Variants in GRIN3A observed in about 807,000 individuals in gnomAD.
GRIN3A encodes the protein glutamate receptor ionotropic, NMDA 3A.
A neutral mutation model predicts 92.4 loss-of-function variants in GRIN3A; 47 were observed. That is an observed-to-expected ratio of 0.51 (90% CI 0.40 to 0.65). GRIN3A has a LOEUF of 0.65. Among genes scored for constraint, GRIN3A ranks in the 30% least tolerant of loss-of-function variants. GRIN3A has a pLI of 0.00. For missense variants in GRIN3A, 1,324 were observed against 1,393.1 expected (o/e 0.95, Z 0.79); for synonymous variants, 527 against 540.6 (o/e 0.97, Z 0.35).
At chr9:101,609,507 A>C (rs1044283159) in intron 6 of GRIN3A, among the ~76,000 whole-genome samples, 1 of 152,266 alleles carries the variant, frequency 6.6e-6, no homozygotes, top group African/African-American at 2.4e-5. Context: ...ATTCAAATCC[A>C]GAAATGTATG....
Position 101,687,091 on chromosome 9 carries a change from C to G in GRIN3A, c.809G>C (p.Cys270Ser). Residue 270 changes from cysteine (C) to serine (S), a missense_variant, in exon 2 of 9, where the codon TGC becomes TCC. Physicochemically the swap from Cys to Ser is moderately radical, Grantham distance 112. Transcript: ENST00000361820. ...GTCGGTGATGTTCCAGTCTTCCTGG[C>G]ACAGCAACAAGCTAAAATTGTACCA... ...NNWYNFSLLLCQEDWNITDFL... is the reference protein window; with the variant it reads ...NNWYNFSLLLSQEDWNITDFL... 1.2e-6 allele frequency: 2 copies of G among 1,614,082 alleles called. No individual in the cohort carries two copies. The highest frequency in any genetic ancestry group is 1.7e-6 in the Non-Finnish European group (2 of 1,179,998).
At chr9:101,687,357 G>A (rs1262279940) in intron 1 of GRIN3A, among the ~76,000 whole-genome samples, 157 bp from the exon 2 acceptor site, 5 of 152,124 alleles carry the variant, frequency 3.3e-5, no homozygotes, top group Non-Finnish European at 7.4e-5. Context: ...TATGCTTCCT[G>A]TCTAATGGAA....
At chr9:101,610,569 GCATC>G (rs573530510) in intron 6 of GRIN3A, among the ~76,000 whole-genome samples, 78 of 140,150 alleles carry the variant, frequency 5.6e-4, no homozygotes, top group South Asian at 1.9e-3. Flanking sequence ...TGACCAGCTT[GCATC>G]CATCTATCTA....
At chr9:101,661,491 G>A (rs1829171482) in intron 3 of GRIN3A, among the ~76,000 whole-genome samples, 1 of 151,692 alleles carries the variant, frequency 6.6e-6, no homozygotes, top group Non-Finnish European at 1.5e-5. Context: ...ATGTGGTTTT[G>A]TATCCTGACT....
At chr9:101,664,904 T>C (rs1443654084) in intron 3 of GRIN3A, among the ~76,000 whole-genome samples, 3 of 151,954 alleles carry the variant, frequency 2.0e-5, no homozygotes, top group Non-Finnish European at 2.9e-5. Context: ...GGGTTACAGA[T>C]ACGTAGCCAG....
At chr9:101,704,095 T>C (rs1339929460) in intron 1 of GRIN3A, among the ~76,000 whole-genome samples, 1 of 152,238 alleles carries the variant, frequency 6.6e-6, no homozygotes, top group Non-Finnish European at 1.5e-5. Context: ...ATTATCATCA[T>C]ATCCAAGCAG....
At chr9:101,648,821 C>G (rs1181409096) in intron 3 of GRIN3A, among the ~76,000 whole-genome samples, 1 of 151,988 alleles carries the variant, frequency 6.6e-6, no homozygotes, top group Non-Finnish European at 1.5e-5. Flanking sequence ...TTTGAGGAGA[C>G]AGCCATCTCT....
intron 6 of GRIN3A, among the ~76,000 whole-genome samples, chr9:101,601,609 G>C (rs1387897395): frequency 1.3e-5 from 2 of 152,188 alleles, no homozygotes; most frequent in African/African-American, 4.8e-5. Flanking sequence ...AAATCAAGGA[G>C]TTGGCAGGGT....
intron 6 of GRIN3A, among the ~76,000 whole-genome samples, chr9:101,590,683 A>G (rs900144615): frequency 6.6e-6 from 1 of 152,056 alleles, no homozygotes; most frequent in African/African-American, 2.4e-5. Flanking sequence ...CCCGGCCAAC[A>G]CTCTTTTTAA....
intron 6 of GRIN3A, among the ~76,000 whole-genome samples, chr9:101,588,189 G>A (rs879429715): frequency 2.0e-5 from 3 of 152,164 alleles, no homozygotes; most frequent in Admixed American, 2.0e-4. Flanking sequence ...CAAGAATCAT[G>A]AAGAGGGAGA....
rs1827869470 is a variant in GRIN3A at position 101,580,040 on chromosome 9, A to AT, written c.2767-681dup. On this transcript the variant is annotated intron_variant, in intron 6 of 8. Coordinates refer to ENST00000361820, the MANE Select transcript of GRIN3A (RefSeq NM_133445.3). The stretch of plus-strand genomic sequence containing the variant: ...ACCCTCGGGTCATGCTAACACCACC[A>AT]TTTTTTGAACATGGGCCCAGGAAGA... Among the ~76,000 whole-genome samples, 5 of 152,282 alleles carry AT rather than the reference A, an allele frequency of 3.3e-5. No homozygotes were observed. The South Asian group carries it at 1.0e-3, about 32-fold the overall frequency.
At chr9:101,662,685 C>G (rs950695739) in intron 3 of GRIN3A, among the ~76,000 whole-genome samples, 14 of 151,626 alleles carry the variant, frequency 9.2e-5, no homozygotes, top group African/African-American at 3.1e-4. Context: ...TTGAAGTTGC[C>G]TCAAACCTAT....
intron 5 of GRIN3A, among the ~76,000 whole-genome samples, chr9:101,616,059 C>T (rs538003433): frequency 6.6e-6 from 1 of 152,282 alleles, no homozygotes; most frequent in East Asian, 1.9e-4. Flanking sequence ...ACAGCAGAGA[C>T]CATATCCACC....
At chr9:101,725,029 A>G (rs374739695) in intron 1 of GRIN3A, among the ~76,000 whole-genome samples, 26 of 152,224 alleles carry the variant, frequency 1.7e-4, no homozygotes, top group African/African-American at 6.3e-4. Context: ...ATTGAATTAT[A>G]CTCTCAAAAT....
chr9:101,595,974 C>G (rs1828122949), intron 6 of GRIN3A, among the ~76,000 whole-genome samples: 1 of 152,242 alleles, frequency 6.6e-6, no homozygotes, highest in African/African-American at 2.4e-5. Flanking sequence ...ATCTCACATG[C>G]TCCCTCTTAT....
intron 1 of GRIN3A, among the ~76,000 whole-genome samples, chr9:101,724,641 G>A (rs920110703): frequency 6.6e-6 from 1 of 152,218 alleles, no homozygotes; most frequent in Non-Finnish European, 1.5e-5. Context: ...GAGCGAGCGA[G>A]GGCTGTGAGG....
At chr9:101,583,458 A>G (rs1021184340) in intron 6 of GRIN3A, among the ~76,000 whole-genome samples, 1 of 152,174 alleles carries the variant, frequency 6.6e-6, no homozygotes, top group African/African-American at 2.4e-5. Flanking sequence ...TGTGCTGTGC[A>G]TATGTGCATC....
intron 1 of GRIN3A, among the ~76,000 whole-genome samples, chr9:101,701,083 C>A (rs1829746524): frequency 6.6e-6 from 1 of 152,114 alleles, no homozygotes; most frequent in Admixed American, 6.5e-5. Flanking sequence ...CCTCTTCTTG[C>A]CCCAGATTTG....
chr9:101,617,945 A>G (rs1250370327), intron 5 of GRIN3A, among the ~76,000 whole-genome samples: 3 of 151,780 alleles, frequency 2.0e-5, no homozygotes, highest in East Asian at 1.9e-4. Context: ...ATGATTTCCA[A>G]TTTCATCCAT....
Sources: gnomAD v4.1 joint callset for allele counts (sites outside exome capture counted in the v4.1 genomes callset) on GRCh38, gnomAD v4.1.1 for gene constraint, MANE v1.5 for transcripts, NCBI Gene and HGNC (gene_info 2026-07-23, HGNC 2026-07-21) for gene names.